UBA1: variants seen among roughly 807,000 people sequenced by gnomAD.
The protein encoded by UBA1 is ubiquitin-like modifier-activating enzyme 1.
Under a neutral mutation model 84.7 loss-of-function variants are expected in UBA1, and 4 were observed. The ratio of observed to expected loss-of-function variants is 0.05; its 90% CI spans 0.02 to 0.11. The LOEUF is 0.11. Ranked by LOEUF, UBA1 falls within the 10% of genes least tolerant of loss-of-function variation. UBA1 has a pLI of 1.00. For missense variants in UBA1, 513 were observed against 902.8 expected, an observed-to-expected ratio of 0.57 and a Z score of 5.53; for synonymous variants, 364 against 362.6, an observed-to-expected ratio of 1.00 and a Z score of -0.04.
intron 14 of UBA1, chrX:47,205,330 A>G (rs1391044204): frequency 3.3e-6 from 1 of 301,874 alleles, no homozygotes; most frequent in East Asian, 1.1e-4. Context: ...GGGAGTCTGC[A>G]TCAATCCTGG....
At chrX:47,200,241 G>C (rs1383273364) in intron 5 of UBA1, among the ~76,000 whole-genome samples, 1 of 112,427 alleles carries the variant, frequency 8.9e-6, no homozygotes, top group Non-Finnish European at 1.9e-5. Flanking sequence ...TTGTTTTCCT[G>C]TTTGTAGTCA....
Position 47,205,787 on chromosome X carries a change from G to A in UBA1, c.1576-161G>A, listed in dbSNP as rs4339766. The A allele has an allele frequency of 0.33, 198,355 of 595,383 alleles. 23,656 individuals carry two copies. Among genetic ancestry groups the A allele is most frequent in the South Asian group, 0.58 (20,380 of 35,391 alleles). 49.1% of individuals were successfully genotyped at this position (595,383 alleles called of 1,213,427 possible). On this transcript the variant is annotated intron_variant, in intron 14 of 25. Coordinates refer to ENST00000335972, the MANE Select transcript of UBA1 (RefSeq NM_003334.4). ...GAGGATCGCTGGAGCCTGGGAAGTT[G>A]AGGCTGCAGTGAGCCGTGATCATGC...
At position 47,203,003 on chromosome X, in the gene UBA1, C is replaced by T. The variant is rs781838601; in HGVS notation, c.1294C>T (p.Leu432Phe). The T allele has an allele frequency of 2.9e-5, 35 of 1,210,313 alleles. No homozygotes were observed. The highest frequency in any genetic ancestry group is 3.7e-5 in the Non-Finnish European group (33 of 895,173). ...GCTATACTTTGATGCCCTTGAGTGTCTCCCTGAGGACAAAGAGGTCCTCAC... is the reference window on the plus strand; with the variant it reads ...GCTATACTTTGATGCCCTTGAGTGTTTCCCTGAGGACAAAGAGGTCCTCAC... The part of the protein sequence containing the change: ...QWLYFDALEC[L>F]PEDKEVLTED... Residue 432 changes from leucine to phenylalanine, a missense_variant, in exon 12 of 26, where the codon CTC (leucine) becomes TTC (phenylalanine). Coordinates refer to ENST00000335972, the MANE Select transcript of UBA1 (RefSeq NM_003334.4).
At position 47,212,857 on chromosome X, in the gene UBA1, G is replaced by A; in HGVS notation, c.2640G>A (p.Arg880=). The A allele has an allele frequency of 8.3e-7, 1 of 1,211,036 alleles. No individual in the cohort carries two copies. The highest frequency in any genetic ancestry group is 1.7e-5 in the African/African-American group (1 of 57,757). Reference sequence around the variant, plus strand: ...ACTATGACATTCCTTCTGCAGACCGGCACAAGGTGAGGGGAATCTAAATCT... The same window carrying A: ...ACTATGACATTCCTTCTGCAGACCGACACAAGGTGAGGGGAATCTAAATCT... ...AENYDIPSAD[R]HKSKLIAGKI... Residue 880 remains arginine (R), a synonymous_variant, in exon 22 of 26, where the codon CGG becomes CGA. Transcript: ENST00000335972.
intron 8 of UBA1, among the ~76,000 whole-genome samples, chrX:47,201,916 T>A (rs1190893077): frequency 9.0e-6 from 1 of 111,422 alleles, no homozygotes; most frequent in Non-Finnish European, 1.9e-5. Flanking sequence ...CTGATTTGGA[T>A]GGGAAGCAGA....
rs1261437086 is a variant in UBA1 at position 47,209,832 on chromosome X, G to A, written c.2004-96G>A. 18 of 1,104,489 alleles carry A rather than the reference G, an allele frequency of 1.6e-5. No individual in the cohort carries two copies. In the South Asian group the frequency reaches 2.6e-4, roughly 16 times the overall value. The allele number at this position is 1,104,489 out of a possible 1,213,427, so 91.0% of individuals were successfully genotyped here. A position where few individuals can be genotyped will look rare whatever the true frequency, so the allele number is the denominator to read the frequency against. ...TTGGGGCCTCATGTTGTTTGGGGTC[G>A]GGACTAGTTTTCCATGGAGAAAGTA... On this transcript the variant is annotated intron_variant, in intron 17 of 25. Coordinates refer to ENST00000335972, the MANE Select transcript of UBA1 (RefSeq NM_003334.4).
At position 47,199,036 on chromosome X, in the gene UBA1, C is replaced by T; in HGVS notation, c.118-12C>T. 4 of 1,212,196 alleles carry T rather than the reference C, an allele frequency of 3.3e-6. No homozygotes were observed. The highest frequency in any genetic ancestry group is 4.5e-6 in the Non-Finnish European group (4 of 895,487). ...GTGTCTCCCTAAACTTGTTCTTTTC[C>T]TCTATTCCTAGGGAATGGCCAAGAA... On this transcript the variant is annotated splice_polypyrimidine_tract_variant and intron_variant, in intron 2 of 25. Coordinates refer to ENST00000335972, the MANE Select transcript of UBA1 (RefSeq NM_003334.4).
chrX:47,198,408 C>T (rs45622131), intron 1 of UBA1: 10 of 668,859 alleles, frequency 1.5e-5, no homozygotes, highest in African/African-American at 9.1e-5. Flanking sequence ...AGGCCTGTGG[C>T]GGTTAATTAT....
At chrX:47,201,773 G>C (rs1241136572) in intron 8 of UBA1, among the ~76,000 whole-genome samples, 163 bp downstream of exon 8, 1 of 112,097 alleles carries the variant, frequency 8.9e-6, no homozygotes. Flanking sequence ...TCCAATAAGA[G>C]CTGGTGGGCA....
intron 18 of UBA1, 39 bp from the exon 19 acceptor site, chrX:47,210,803 C>T (rs1556793108): frequency 1.7e-6 from 2 of 1,184,755 alleles, no homozygotes; most frequent in Admixed American, 2.2e-5. Flanking sequence ...GAGGCCTTCA[C>T]TCTCAGGTCC....
At chrX:47,212,061 C>G (rs1936944495) in intron 20 of UBA1, among the ~76,000 whole-genome samples, 1 of 94,151 alleles carries the variant, frequency 1.1e-5, no homozygotes, top group African/African-American at 4.0e-5. Flanking sequence ...ATCTTTTTTA[C>G]TCCCCTTTTC....
In UBA1 at chrX:47,198,699, G is replaced by C. The variant is rs1936292287; in HGVS notation, c.1-104G>C. 1.3e-5 allele frequency: 10 copies of C among 768,600 alleles called. No homozygotes were observed. In the South Asian group the frequency reaches 2.0e-4, roughly 15 times the overall value. 63.3% of individuals were successfully genotyped at this position (768,600 alleles called of 1,213,427 possible). ...CTGTCCCCTCTTTGCTGTAAAATGG[G>C]GGTACTAATACTTAAGTCTTCCCTT... On this transcript the variant is annotated intron_variant, in intron 1 of 25. Coordinates refer to ENST00000335972, the MANE Select transcript of UBA1 (RefSeq NM_003334.4).
At position 47,203,523 on chromosome X, in the gene UBA1, T is replaced by G. The variant is rs372944361; in HGVS notation, c.1420-18T>G. 8.9e-5 allele frequency: 108 copies of G among 1,209,557 alleles called. No individual in the cohort carries two copies. The highest frequency in any genetic ancestry group is 1.1e-4 in the Non-Finnish European group (98 of 895,092). On this transcript the variant is annotated intron_variant, in intron 13 of 25. Transcript: ENST00000335972. The stretch of plus-strand genomic sequence containing the variant: ...TCACCCTGACCAGCCTCTGCCTGTC[T>G]TCTTGGTTGCTTCTTAGGTGGGTGC...
rs782052238 is a variant in UBA1, at chrX:47,199,335, A to G, written c.303A>G (p.Leu101=). 20 of 1,210,719 alleles carry G rather than the reference A, an allele frequency of 1.7e-5. No individual in the cohort carries two copies. Among genetic ancestry groups the G allele is most frequent in the Admixed American group, 1.1e-4 (5 of 45,932 alleles). The change falls in exon 4 of 26, where the codon CTA becomes CTG. Residue 101 remains leucine, a synonymous_variant. Transcript: ENST00000335972. The part of the protein sequence containing the change: ...IILGGVKAVT[L]HDQGTAQWAD... ...TTGGTGGGGTCAAGGCTGTTACCCT[A>G]CATGACCAGGGCACTGCCCAGTGGG...
chrX:47,207,677 GA>G (rs1245749987), intron 16 of UBA1, among the ~76,000 whole-genome samples: 9 of 105,278 alleles, frequency 8.5e-5, no homozygotes, highest in African/African-American at 1.7e-4. Flanking sequence ...ATAGGGAAGG[GA>G]AAAAAAAAAC....
At chrX:47,209,778 G>A in intron 17 of UBA1, 91 bp downstream of exon 17, 1 of 1,102,537 alleles carries the variant, frequency 9.1e-7, no homozygotes. Flanking sequence ...CTTGGCACCA[G>A]GCACACTTTT....
upstream of UBA1, among the ~76,000 whole-genome samples, chrX:47,193,557 T>C (rs1323799024): frequency 8.9e-6 from 1 of 112,376 alleles, no homozygotes; most frequent in Non-Finnish European, 1.9e-5. Flanking sequence ...TCAGGAAGCA[T>C]GGCCTTAACG....
intron 15 of UBA1, 42 bp downstream of exon 15, chrX:47,206,155 G>A (rs1556790911): frequency 1.7e-6 from 2 of 1,178,229 alleles, no homozygotes. Flanking sequence ...GCAAAGTTGT[G>A]TGTGTTTCGG....
chrX:47,196,977 A>G, intron 1 of UBA1: 4 of 361,094 alleles, frequency 1.1e-5, no homozygotes, highest in Non-Finnish European at 1.4e-5. Context: ...CATTTGTCCC[A>G]GCTTTTGGAG....
Sources: gnomAD v4.1 joint callset for allele counts (sites outside exome capture counted in the v4.1 genomes callset) on GRCh38, gnomAD v4.1.1 for gene constraint, MANE v1.5 for transcripts, NCBI Gene and HGNC (gene_info 2026-07-23, HGNC 2026-07-21) for gene names.